SAMD12: variants seen among roughly 807,000 people sequenced by gnomAD.
SAMD12 encodes the protein sterile alpha motif domain containing 12.
Under a neutral mutation model 15.0 loss-of-function variants are expected in SAMD12, and 9 were observed. The ratio of observed to expected loss-of-function variants is 0.60; its 90% CI spans 0.36 to 1.05. The LOEUF (loss-of-function observed/expected upper bound fraction) is 1.05, where lower values mean the gene tolerates loss of function less well. Ranked by LOEUF, SAMD12 falls within the 50% of genes least tolerant of loss-of-function variation. The pLI is 0.01. For missense variants in SAMD12, 230 were observed against 234.2 expected, an observed-to-expected ratio of 0.98 and a Z score of 0.12; for synonymous variants, 86 against 90.1, an observed-to-expected ratio of 0.96 and a Z score of 0.25.
the SAMD12 span, among the ~76,000 whole-genome samples, chr8:118,172,239 G>C: frequency 2.6e-5 from 4 of 151,650 alleles, no homozygotes; most frequent in Non-Finnish European, 4.4e-5. Flanking sequence ...ATGTACCCTA[G>C]AACTTAAAGT....
intron 2 of SAMD12, among the ~76,000 whole-genome samples, chr8:118,521,097 T>G (rs1313677916): frequency 6.6e-6 from 1 of 152,218 alleles, no homozygotes; most frequent in Non-Finnish European, 1.5e-5. Context: ...CCTGTCTGTT[T>G]CTTCTTTAGT....
At chr8:118,147,915 T>C in the SAMD12 span, among the ~76,000 whole-genome samples, 1 of 150,142 alleles carries the variant, frequency 6.7e-6, no homozygotes, top group African/African-American at 2.4e-5. Context: ...TTTTTTTCTG[T>C]GTGTGTGTGT....
chr8:118,374,167 T>C (rs1390190711), downstream of SAMD12, among the ~76,000 whole-genome samples: 1 of 152,146 alleles, frequency 6.6e-6, no homozygotes, highest in East Asian at 1.9e-4. Flanking sequence ...CAAGCCCTTG[T>C]AGCCACTTTT....
chr8:118,213,607 T>C (rs576714183), intron 4 of SAMD12, among the ~76,000 whole-genome samples: 39 of 152,288 alleles, frequency 2.6e-4, no homozygotes, highest in Non-Finnish European at 5.6e-4. Flanking sequence ...ATAATAATTG[T>C]TGTTTTGAGC....
At chr8:118,451,825 A>T (rs1459171413) in intron 2 of SAMD12, among the ~76,000 whole-genome samples, 2 of 151,984 alleles carry the variant, frequency 1.3e-5, no homozygotes, top group East Asian at 3.9e-4. Flanking sequence ...GCCACCCCCA[A>T]CCCCAGGTCC....
the SAMD12 span, among the ~76,000 whole-genome samples, chr8:118,140,290 G>A: frequency 1.4e-5 from 2 of 142,948 alleles, no homozygotes; most frequent in Non-Finnish European, 3.0e-5. Context: ...TTTTTTTTTT[G>A]AGACAGTGTC....
chr8:118,140,020 C>A, the SAMD12 span, among the ~76,000 whole-genome samples: 2 of 152,144 alleles, frequency 1.3e-5, no homozygotes, highest in African/African-American at 4.8e-5. Context: ...GAGTTTTGAA[C>A]CAGCAGACAG....
intron 1 of SAMD12, among the ~76,000 whole-genome samples, chr8:118,615,273 C>G (rs949743368): frequency 2.6e-5 from 4 of 152,150 alleles, no homozygotes; most frequent in Admixed American, 2.0e-4. Flanking sequence ...CTATCCCCAC[C>G]CAGCTCAGAA....
chr8:118,302,095 T>TTTTTTTTTTG (rs1815074225), intron 4 of SAMD12, among the ~76,000 whole-genome samples: 1 of 145,770 alleles, frequency 6.9e-6, no homozygotes, highest in African/African-American at 2.6e-5. Context: ...TTTTTTTTTT[T>TTTTTTTTTTG]TTTTTTTTGC....
chr8:118,453,057 A>C (rs760703972), intron 2 of SAMD12, among the ~76,000 whole-genome samples: 3 of 152,208 alleles, frequency 2.0e-5, no homozygotes, highest in Non-Finnish European at 4.4e-5. Context: ...TTAACCTTAA[A>C]TGATGTATTT....
chr8:118,261,383 G>A (rs1813073534), intron 4 of SAMD12, among the ~76,000 whole-genome samples: 1 of 152,070 alleles, frequency 6.6e-6, no homozygotes, highest in African/African-American at 2.4e-5. Context: ...GCCCCAGTCA[G>A]AAAACTTCTA....
intron 4 of SAMD12, among the ~76,000 whole-genome samples, chr8:118,371,445 G>T (rs1819092216): frequency 6.6e-6 from 1 of 152,022 alleles, no homozygotes; most frequent in African/African-American, 2.4e-5. Context: ...GGCTGGGAAA[G>T]ATGGGAAACT....
At chr8:118,228,628 C>CA (rs142166092) in intron 4 of SAMD12, among the ~76,000 whole-genome samples, 45,054 of 151,854 alleles carry the variant, frequency 0.3, 8,415 homozygotes, top group African/African-American at 0.54. Flanking sequence ...ATCAAAAAAT[C>CA]AAAAAACAGT....
chr8:118,487,041 T>C (rs536557550), intron 2 of SAMD12, among the ~76,000 whole-genome samples: 3 of 152,196 alleles, frequency 2.0e-5, no homozygotes, highest in Admixed American at 2.0e-4. Flanking sequence ...CAGGGAAGTG[T>C]GGGTGACATG....
the SAMD12 span, among the ~76,000 whole-genome samples, chr8:118,171,803 A>C: frequency 6.6e-6 from 1 of 150,538 alleles, no homozygotes; most frequent in Middle Eastern, 3.4e-3. Context: ...TGGCCCCTTG[A>C]ATATATTTTA....
intron 4 of SAMD12, among the ~76,000 whole-genome samples, chr8:118,356,973 C>T (rs1412826312): frequency 6.6e-6 from 1 of 152,210 alleles, no homozygotes; most frequent in East Asian, 1.9e-4. Flanking sequence ...TTAACTGTCG[C>T]CTGTTCACTT....
chr8:118,217,815 A>C (rs1811998431), intron 4 of SAMD12, among the ~76,000 whole-genome samples: 1 of 152,146 alleles, frequency 6.6e-6, no homozygotes. Flanking sequence ...CACCCTCCAT[A>C]ATGCCCTTCA....
At chr8:118,178,044 C>T in the SAMD12 span, among the ~76,000 whole-genome samples, 272 of 152,316 alleles carry the variant, frequency 1.8e-3, 2 homozygotes, top group African/African-American at 6.3e-3. Context: ...CCCAACCTGT[C>T]AAACAGCAGT....
chr8:118,469,716 C>G (rs1823736225), intron 2 of SAMD12, among the ~76,000 whole-genome samples: 1 of 147,500 alleles, frequency 6.8e-6, no homozygotes, highest in African/African-American at 2.5e-5. Flanking sequence ...GCGCGTGCCA[C>G]CACGCCTGGC....
Sources: allele counts gnomAD v4.1 joint callset (sites outside exome capture counted in the v4.1 genomes callset), GRCh38; gene constraint gnomAD v4.1.1; transcripts MANE v1.5; gene names NCBI Gene and HGNC (gene_info 2026-07-23, HGNC 2026-07-21).